EHBP1: variants seen among roughly 807,000 people sequenced by gnomAD.
EHBP1 encodes EH domain binding protein 1.
In EHBP1, 55 loss-of-function variants were observed where a neutral mutation model predicts 144.0. That is an observed-to-expected ratio of 0.38 (90% CI 0.31 to 0.48). The LOEUF (loss-of-function observed/expected upper bound fraction) is 0.48, where lower values mean the gene tolerates loss of function less well. Among genes scored for constraint, EHBP1 ranks in the 20% least tolerant of loss-of-function variants. The pLI, the probability that EHBP1 is intolerant of heterozygous loss-of-function variation, is 0.98. For synonymous variants in EHBP1, 469 were observed against 472.7 expected (o/e 0.99, Z 0.10); for missense variants, 1,200 against 1,364.2 (o/e 0.88, Z 1.90).
At chr2:62,683,386 C>T (rs1287093590) in intron 1 of EHBP1, among the ~76,000 whole-genome samples, 5 of 152,122 alleles carry the variant, frequency 3.3e-5, no homozygotes, top group Admixed American at 1.3e-4. Flanking sequence ...GCAGGCCAGG[C>T]GCGGTGTCTC....
chr2:62,709,489 C>A (rs1362991868), intron 2 of EHBP1, among the ~76,000 whole-genome samples: 1 of 152,120 alleles, frequency 6.6e-6, no homozygotes, highest in Non-Finnish European at 1.5e-5. Flanking sequence ...TCAGTTTCTT[C>A]CTCACAGTTT....
At chr2:62,879,546 A>AAC (rs70962798) in intron 10 of EHBP1, among the ~76,000 whole-genome samples, 4,499 of 133,718 alleles carry the variant, frequency 0.034, 98 homozygotes, top group East Asian at 0.12. Flanking sequence ...TATTCACAAT[A>AAC]ACACACACAC....
chr2:62,868,963 A>T (rs1321689546), intron 9 of EHBP1, among the ~76,000 whole-genome samples: 2 of 152,178 alleles, frequency 1.3e-5, no homozygotes. Flanking sequence ...CTAAAAAATA[A>T]TAAATTTAAA....
intron 1 of EHBP1, among the ~76,000 whole-genome samples, chr2:62,694,262 G>A (rs2034005761): frequency 6.6e-6 from 1 of 152,128 alleles, no homozygotes; most frequent in Admixed American, 6.5e-5. Context: ...TCTAGAAAGT[G>A]CAATATGTTC....
At chr2:62,717,959 G>A (rs900473729) in intron 2 of EHBP1, among the ~76,000 whole-genome samples, 2 of 152,042 alleles carry the variant, frequency 1.3e-5, no homozygotes, top group Admixed American at 6.5e-5. Flanking sequence ...TGGCGGCCAA[G>A]GCAAAAAGGG....
At chr2:62,779,526 A>G (rs1038761739) in intron 5 of EHBP1, among the ~76,000 whole-genome samples, 1 of 152,154 alleles carries the variant, frequency 6.6e-6, no homozygotes, top group Admixed American at 6.6e-5. Context: ...CTACTTGCTC[A>G]GAGAGTATTG....
chr2:62,760,815 C>T (rs952079091), intron 3 of EHBP1, among the ~76,000 whole-genome samples: 1 of 152,158 alleles, frequency 6.6e-6, no homozygotes, highest in African/African-American at 2.4e-5. Flanking sequence ...TCATGCAAAC[C>T]ATTTACTCTT....
intron 10 of EHBP1, among the ~76,000 whole-genome samples, chr2:62,888,919 T>C (rs1463260470): frequency 1.3e-5 from 2 of 151,934 alleles, no homozygotes; most frequent in African/African-American, 4.8e-5. Context: ...GTTAGGACTG[T>C]GGTGAGGCAA....
At chr2:62,923,794 A>G (rs2055280699) in intron 10 of EHBP1, among the ~76,000 whole-genome samples, 1 of 152,162 alleles carries the variant, frequency 6.6e-6, no homozygotes, top group African/African-American at 2.4e-5. Flanking sequence ...CCCCAGACCA[A>G]CCAAATAGCC....
intron 2 of EHBP1, among the ~76,000 whole-genome samples, chr2:62,743,428 A>G (rs950126876): frequency 1.3e-5 from 2 of 152,046 alleles, no homozygotes; most frequent in African/African-American, 4.8e-5. Context: ...TGCCTGGACT[A>G]GGGTAGTTGG....
At chr2:62,859,380 A>G in intron 8 of EHBP1, 89 bp downstream of exon 8, 2 of 1,251,584 alleles carry the variant, frequency 1.6e-6, no homozygotes, top group Non-Finnish European at 2.2e-6. Context: ...TCAGAGACTA[A>G]CACACAAAAA....
At chr2:62,725,158 G>A (rs935690889) in intron 2 of EHBP1, among the ~76,000 whole-genome samples, 2 of 152,234 alleles carry the variant, frequency 1.3e-5, no homozygotes, top group African/African-American at 4.8e-5. Context: ...GGAATCCACT[G>A]TGCTGTGGCG....
chr2:62,742,008 A>G (rs2038756477), intron 2 of EHBP1, among the ~76,000 whole-genome samples: 1 of 152,110 alleles, frequency 6.6e-6, no homozygotes, highest in Admixed American at 6.6e-5. Flanking sequence ...CTATGTTTAT[A>G]TATGTTTAGA....
At chr2:62,906,432 C>G (rs552343583) in intron 10 of EHBP1, among the ~76,000 whole-genome samples, 1 of 152,096 alleles carries the variant, frequency 6.6e-6, no homozygotes, top group African/African-American at 2.4e-5. Flanking sequence ...TATTTTAGAT[C>G]CTTTGCATTT....
intron 10 of EHBP1, among the ~76,000 whole-genome samples, chr2:62,909,818 C>T (rs578247609): frequency 8.8e-4 from 134 of 152,160 alleles, no homozygotes; most frequent in Admixed American, 3.9e-4. Flanking sequence ...AGTGCAGTGG[C>T]GCAATATTGG....
chr2:62,881,879 A>G (rs1050873815), intron 10 of EHBP1: 1 of 152,144 alleles, frequency 6.6e-6, no homozygotes, highest in African/African-American at 2.4e-5. Context: ...AGGTTATTTA[A>G]TTCTCATAGC....
At chr2:62,721,694 A>T (rs2036237203) in intron 2 of EHBP1, among the ~76,000 whole-genome samples, 1 of 152,066 alleles carries the variant, frequency 6.6e-6, no homozygotes. Flanking sequence ...TGTTTCCTTT[A>T]TTCCTTCTAC....
At chr2:62,864,590 ATTGTT>A (rs777056103) in intron 8 of EHBP1, 136 bp from the exon 9 acceptor site, 111 of 756,876 alleles carry the variant, frequency 1.5e-4, no homozygotes, top group Admixed American at 2.8e-4. Flanking sequence ...AAAATATATT[ATTGTT>A]TTATTATTGC....
At chr2:62,821,555 G>T (rs1179993860) in intron 5 of EHBP1, among the ~76,000 whole-genome samples, 2 of 151,798 alleles carry the variant, frequency 1.3e-5, no homozygotes, top group African/African-American at 4.8e-5. Context: ...GATGTGGGTG[G>T]TGTAGTCCCA....
Sources: allele counts gnomAD v4.1 joint callset (sites outside exome capture counted in the v4.1 genomes callset), GRCh38; gene constraint gnomAD v4.1.1; transcripts MANE v1.5; gene names NCBI Gene and HGNC (gene_info 2026-07-23, HGNC 2026-07-21).